Variants in AP3B1 observed in about 807,000 individuals in gnomAD.
The protein encoded by AP3B1 is adaptor related protein complex 3 subunit beta 1.
In AP3B1, 61 loss-of-function variants were observed where a neutral mutation model predicts 132.5. The observed-to-expected ratio is 0.46, with a 90% confidence interval of 0.37 to 0.57. AP3B1 has a LOEUF of 0.57. Among genes scored for constraint, AP3B1 ranks in the 20% least tolerant of loss-of-function variants. The pLI, the probability that AP3B1 is intolerant of heterozygous loss-of-function variation, is 0.00. For synonymous variants in AP3B1, 388 were observed against 438.3 expected, an observed-to-expected ratio of 0.89 and a Z score of 1.43; for missense variants, 1,120 against 1,289.4, an observed-to-expected ratio of 0.87 and a Z score of 2.01.
intron 2 of AP3B1, among the ~76,000 whole-genome samples, chr5:78,249,710 T>C (rs1475685724): frequency 4.0e-5 from 6 of 151,576 alleles, no homozygotes; most frequent in Non-Finnish European, 8.8e-5. Context: ...CAGCCTTCTG[T>C]GTAGCTGGGA....
intron 22 of AP3B1, among the ~76,000 whole-genome samples, chr5:78,074,181 T>A (rs185598544): frequency 6.2e-4 from 95 of 152,208 alleles, no homozygotes; most frequent in African/African-American, 2.2e-3. Flanking sequence ...TTTTAAAAAG[T>A]AGCTCCTTTT....
At chr5:78,074,877 G>A (rs1269763523) in intron 22 of AP3B1, among the ~76,000 whole-genome samples, 2 of 152,070 alleles carry the variant, frequency 1.3e-5, no homozygotes, top group African/African-American at 4.8e-5. Flanking sequence ...AGGTTGCGGT[G>A]AGCTGAGATT....
chr5:78,107,410 C>A (rs1032765873), intron 20 of AP3B1, among the ~76,000 whole-genome samples: 5 of 152,162 alleles, frequency 3.3e-5, no homozygotes, highest in African/African-American at 1.2e-4. Context: ...CTCATGTACA[C>A]ACACTCTGTT....
intron 24 of AP3B1, among the ~76,000 whole-genome samples, chr5:78,021,073 T>C (rs1747075442): frequency 6.6e-6 from 1 of 152,106 alleles, no homozygotes; most frequent in Admixed American, 6.6e-5. Context: ...GCAGTAATTG[T>C]ATATAACCAC....
At chr5:78,268,526 T>C (rs919125333) in intron 1 of AP3B1, among the ~76,000 whole-genome samples, 1 of 152,156 alleles carries the variant, frequency 6.6e-6, no homozygotes, top group Non-Finnish European at 1.5e-5. Flanking sequence ...AAGTGTCCCA[T>C]TATTCTCCTC....
At chr5:78,044,589 A>G (rs1748241138) in intron 22 of AP3B1, among the ~76,000 whole-genome samples, 1 of 152,246 alleles carries the variant, frequency 6.6e-6, no homozygotes, top group Non-Finnish European at 1.5e-5. Context: ...AGTTGGAGAA[A>G]GGCAAGGGTA....
At position 78,216,009 on chromosome 5, in the gene AP3B1, C is replaced by T. The variant is rs1391661814; in HGVS notation, c.786+46G>A. Reference sequence around the variant, plus strand: ...TTTGCCCAAGTTTTAAAAAGCTCATCCATTCTCTTAGTATACTTGAAAGTG... The same window carrying T: ...TTTGCCCAAGTTTTAAAAAGCTCATTCATTCTCTTAGTATACTTGAAAGTG... On this transcript the variant is annotated intron_variant, in intron 7 of 26. Transcript: ENST00000255194. 5 of 1,598,656 alleles carry T rather than the reference C, an allele frequency of 3.1e-6. No homozygotes were observed. In the Admixed American group the frequency reaches 8.4e-5, roughly 27 times the overall value.
At chr5:78,006,635 C>T (rs934735300) in intron 26 of AP3B1, among the ~76,000 whole-genome samples, 1 of 152,162 alleles carries the variant, frequency 6.6e-6, no homozygotes, top group African/African-American at 2.4e-5. Context: ...GACCAATCAA[C>T]CTCGAAAAGC....
chr5:78,023,571 A>G (rs929507959), intron 24 of AP3B1, among the ~76,000 whole-genome samples: 2 of 152,184 alleles, frequency 1.3e-5, no homozygotes, highest in African/African-American at 2.4e-5. Flanking sequence ...CCTTATGAGT[A>G]GATAAAAATC....
intron 20 of AP3B1, 190 bp from the exon 21 acceptor site, chr5:78,101,215 C>G (rs1751109321): frequency 1.9e-6 from 1 of 525,590 alleles, no homozygotes; most frequent in Non-Finnish European, 3.4e-6. Context: ...ATTTCTTACC[C>G]ACTATGCAAA....
chr5:78,247,705 C>T lies in AP3B1; in HGVS notation c.205-6769G>A, dbSNP rs147817412. Among the ~76,000 whole-genome samples the T allele has an allele frequency of 1.4e-4, 22 of 152,012 alleles. No homozygotes were observed. In the East Asian group the frequency reaches 4.2e-3, roughly 29 times the overall value. ...GTTTGTATGGTATGCATTTTTCCTT[C>T]CTTATAACTTATGTCTTTATATTAA... On this transcript the variant is annotated intron_variant, in intron 2 of 26. Transcript: ENST00000255194.
intron 20 of AP3B1, among the ~76,000 whole-genome samples, chr5:78,107,749 C>G (rs1245413730): frequency 1.3e-5 from 2 of 151,348 alleles, no homozygotes; most frequent in Non-Finnish European, 1.5e-5. Context: ...TGTTGCCTTA[C>G]AACTTGAATA....
intron 1 of AP3B1, among the ~76,000 whole-genome samples, chr5:78,293,635 T>C (rs1180739814): frequency 6.6e-6 from 1 of 152,172 alleles, no homozygotes; most frequent in African/African-American, 2.4e-5. Context: ...TGTGACCCTA[T>C]TGCTTAGTAA....
At chr5:78,203,464 A>G (rs750397633) in intron 7 of AP3B1, among the ~76,000 whole-genome samples, 2 of 152,152 alleles carry the variant, frequency 1.3e-5, no homozygotes, top group African/African-American at 2.4e-5. Flanking sequence ...CCATGATTCA[A>G]TTATCTCCAC....
chr5:78,277,406 G>C (rs1257684325), intron 1 of AP3B1, among the ~76,000 whole-genome samples: 1 of 152,116 alleles, frequency 6.6e-6, no homozygotes, highest in Non-Finnish European at 1.5e-5. Flanking sequence ...AGAAGGGAGG[G>C]AAGTAAAGAG....
intron 22 of AP3B1, among the ~76,000 whole-genome samples, chr5:78,055,024 C>CT (rs1748747354): frequency 1.2e-5 from 1 of 83,364 alleles, no homozygotes; most frequent in African/African-American, 5.2e-5. Flanking sequence ...CAGACACACA[C>CT]ACACACACAC....
At chr5:78,146,106 A>G (rs779337488) in intron 14 of AP3B1, among the ~76,000 whole-genome samples, 5 of 152,200 alleles carry the variant, frequency 3.3e-5, no homozygotes, top group Admixed American at 6.5e-5. Context: ...TTTTAAAATC[A>G]CTTGCCTACG....
At chr5:78,290,039 C>T (rs4386716) in intron 1 of AP3B1, among the ~76,000 whole-genome samples, 1 of 151,984 alleles carries the variant, frequency 6.6e-6, no homozygotes, top group African/African-American at 2.4e-5. Flanking sequence ...TCCCAAATAG[C>T]GTTAGTTAAT....
At chr5:78,267,081 C>G (rs10035369) in intron 2 of AP3B1, among the ~76,000 whole-genome samples, 36,217 of 151,800 alleles carry the variant, frequency 0.24, 5,159 homozygotes, top group Non-Finnish European at 0.32. Context: ...GGCTTCTAAA[C>G]TGAATAAAGT....
Sources: allele counts gnomAD v4.1 joint callset (sites outside exome capture counted in the v4.1 genomes callset), GRCh38; gene constraint gnomAD v4.1.1; transcripts MANE v1.5; gene names NCBI Gene and HGNC (gene_info 2026-07-23, HGNC 2026-07-21).